Variants in PCDHA3 observed in about 807,000 individuals in gnomAD.
The protein encoded by PCDHA3 is protocadherin alpha-3.
In PCDHA3, 41 loss-of-function variants were observed where a neutral mutation model predicts 62.2. The observed-to-expected ratio is 0.66, with a 90% CI of 0.51 to 0.86. The LOEUF is 0.86. PCDHA3 is among the 40% of genes least tolerant of loss of function. The pLI, the probability that PCDHA3 is intolerant of heterozygous loss-of-function variation, is 0.00. For synonymous variants in PCDHA3, 640 were observed against 555.4 expected, an observed-to-expected ratio of 1.15 and a Z score of -2.14; for missense variants, 1,304 against 1,241.2, an observed-to-expected ratio of 1.05 and a Z score of -0.76.
intron 1 of PCDHA3, among the ~76,000 whole-genome samples, chr5:140,903,933 A>G (rs1348730153): frequency 1.3e-5 from 2 of 152,220 alleles, no homozygotes; most frequent in East Asian, 1.9e-4. Context: ...ATTGGATAAT[A>G]CCTCTTAAAT....
chr5:140,839,771 G>C (rs1190836066), intron 1 of PCDHA3, among the ~76,000 whole-genome samples: 1 of 151,892 alleles, frequency 6.6e-6, no homozygotes, highest in Non-Finnish European at 1.5e-5. Context: ...TACGTTTTTG[G>C]TAAGAATTTT....
chr5:140,806,317 CACATT>C (rs1554123581), intron 1 of PCDHA3, among the ~76,000 whole-genome samples: 1 of 152,112 alleles, frequency 6.6e-6, no homozygotes, highest in African/African-American at 2.4e-5. Flanking sequence ...GAAGCTTAGG[CACATT>C]ACATACTGGA....
At chr5:140,876,549 G>A in intron 1 of PCDHA3, 2 of 1,614,206 alleles carry the variant, frequency 1.2e-6, no homozygotes, top group Non-Finnish European at 1.7e-6. Flanking sequence ...CGCTCCCTGT[G>A]CAAGAGGATG....
At chr5:140,952,449 G>C (rs549255236) in intron 1 of PCDHA3, among the ~76,000 whole-genome samples, 1 of 152,242 alleles carries the variant, frequency 6.6e-6, no homozygotes. Context: ...AATACAGCCA[G>C]GCTCTTTGCT....
Position 140,885,793 on chromosome 5 carries a change from A to G in PCDHA3, c.2394+82202A>G, listed in dbSNP as rs541928241. On this transcript the variant is annotated intron_variant, in intron 1 of 3. Coordinates refer to ENST00000522353, the MANE Select transcript of PCDHA3 (RefSeq NM_018906.3). ...TATTAGTGAATTTGAGCATATTGTCATATGTATTTTGTTGATTTGTATTTG... is the reference window on the plus strand; with the variant it reads ...TATTAGTGAATTTGAGCATATTGTCGTATGTATTTTGTTGATTTGTATTTG... Among the ~76,000 whole-genome samples the G allele has an allele frequency of 2.0e-5, 3 of 152,162 alleles. No homozygotes were observed. The South Asian group carries it at 6.2e-4, about 32-fold the overall frequency.
chr5:140,954,181 T>C (rs1342526768), intron 1 of PCDHA3, among the ~76,000 whole-genome samples: 1 of 152,234 alleles, frequency 6.6e-6, no homozygotes, highest in Non-Finnish European at 1.5e-5. Flanking sequence ...ATCCAGTCTA[T>C]CATTGATGGG....
intron 1 of PCDHA3, among the ~76,000 whole-genome samples, chr5:140,957,748 G>T (rs2095381433): frequency 6.6e-6 from 1 of 152,080 alleles, no homozygotes; most frequent in South Asian, 2.1e-4. Context: ...GACATGAAAG[G>T]ATGTTCATTA....
chr5:140,836,113 TGA>T, intron 1 of PCDHA3: 1 of 1,613,528 alleles, frequency 6.2e-7, no homozygotes, highest in Non-Finnish European at 8.5e-7. Flanking sequence ...GGTGGCGCAG[TGA>T]GAGAGCTTGT....
At position 140,871,031 on chromosome 5, in the gene PCDHA3, G is replaced by A. The variant is rs543880939; in HGVS notation, c.2394+67440G>A. ...GCCCTGGACGAGGCAGACTCGCCGC[G>A]CCACCGACTTCTAGTACTGGTGAAG... is the stretch of plus-strand genomic sequence containing the variant. On this transcript the variant is annotated intron_variant, in intron 1 of 3. Coordinates refer to ENST00000522353, the MANE Select transcript of PCDHA3 (RefSeq NM_018906.3). 3.2e-5 allele frequency: 52 copies of A among 1,613,210 alleles called. 1 individual carries two copies. In the South Asian group the frequency reaches 4.7e-4, roughly 15 times the overall value.
At chr5:140,926,704 T>A in intron 1 of PCDHA3, 1 of 842,670 alleles carries the variant, frequency 1.2e-6, no homozygotes, top group Non-Finnish European at 1.7e-6. Context: ...GGCTCCCAGC[T>A]GGCCAGCCCC....
intron 3 of PCDHA3, among the ~76,000 whole-genome samples, chr5:141,004,953 G>A (rs1409171628): frequency 7.2e-5 from 11 of 152,166 alleles, no homozygotes; most frequent in African/African-American, 2.4e-4. Context: ...ACCCTCTCTC[G>A]TCACTGCCTG....
At chr5:140,960,748 A>C (rs1408249489) in intron 1 of PCDHA3, among the ~76,000 whole-genome samples, 1 of 152,008 alleles carries the variant, frequency 6.6e-6, no homozygotes, top group Non-Finnish European at 1.5e-5. Flanking sequence ...TCCATGGCTA[A>C]AATCCCAAGA....
intron 1 of PCDHA3, chr5:140,835,828 C>A: frequency 6.2e-7 from 1 of 1,612,490 alleles, no homozygotes. Context: ...GCGGGGGACG[C>A]GGACGCGCAG....
At chr5:140,902,203 C>CT (rs148688132) in intron 1 of PCDHA3, among the ~76,000 whole-genome samples, 2,237 of 124,430 alleles carry the variant, frequency 0.018, 39 homozygotes, top group East Asian at 0.05. Context: ...CTCTCTCTTT[C>CT]TTTTTTTTTT....
At chr5:140,888,488 C>T (rs1257053839) in intron 1 of PCDHA3, among the ~76,000 whole-genome samples, 2 of 152,204 alleles carry the variant, frequency 1.3e-5, no homozygotes, top group African/African-American at 2.4e-5. Context: ...TGTTGAGAAA[C>T]TCTGCTTTAA....
chr5:141,002,442 A>G (rs1177854570), intron 3 of PCDHA3, among the ~76,000 whole-genome samples: 3 of 152,218 alleles, frequency 2.0e-5, no homozygotes, highest in Non-Finnish European at 4.4e-5. Context: ...AACCATAATA[A>G]TTGGCACATT....
intron 1 of PCDHA3, among the ~76,000 whole-genome samples, chr5:140,941,250 T>TCCTTCCTTC (rs1441496906): frequency 7.2e-6 from 1 of 139,474 alleles, no homozygotes; most frequent in East Asian, 2.1e-4. Context: ...TTTCTTTCTT[T>TCCTTCCTTC]CTTTCTCTTT....
At chr5:140,857,046 G>T in intron 1 of PCDHA3, 1 of 1,595,844 alleles carries the variant, frequency 6.3e-7, no homozygotes, top group Non-Finnish European at 8.6e-7. Flanking sequence ...GTTGGTCACT[G>T]CACGGTCCTA....
chr5:140,810,909 C>A (rs1764754535), intron 1 of PCDHA3: 1 of 152,040 alleles, frequency 6.6e-6, no homozygotes, highest in Non-Finnish European at 1.5e-5. Flanking sequence ...TCTGTGGTAT[C>A]TTTTATTTCA....
Sources: gnomAD v4.1 joint callset for allele counts (sites outside exome capture counted in the v4.1 genomes callset) on GRCh38, gnomAD v4.1.1 for gene constraint, MANE v1.5 for transcripts, NCBI Gene and HGNC (gene_info 2026-07-23, HGNC 2026-07-21) for gene names.